The following TMEM117 variants were observed in gnomAD, a reference collection of about 807,000 sequenced individuals.
The protein encoded by TMEM117 is transmembrane protein 117.
In TMEM117, 27 loss-of-function variants were observed where a neutral mutation model predicts 52.4. The observed-to-expected ratio is 0.51, with a 90% confidence interval of 0.38 to 0.71. The LOEUF is 0.71. Among genes scored for constraint, TMEM117 ranks in the 30% least tolerant of loss-of-function variants. The pLI, the probability that TMEM117 is intolerant of heterozygous loss-of-function variation, is 0.00. For missense variants in TMEM117, 556 were observed against 630.5 expected (o/e 0.88, Z 1.26); for synonymous variants, 215 against 206.3 (o/e 1.04, Z -0.36).
intron 2 of TMEM117, among the ~76,000 whole-genome samples, chr12:43,897,007 TTGC>T (rs1944216311): frequency 6.6e-6 from 1 of 152,200 alleles, no homozygotes; most frequent in East Asian, 1.9e-4. Flanking sequence ...CTAGACCTAG[TTGC>T]CTGAGTCAAG....
chr12:43,887,415 T>TG (rs1944016486), intron 2 of TMEM117, among the ~76,000 whole-genome samples: 1 of 152,206 alleles, frequency 6.6e-6, no homozygotes, highest in African/African-American at 2.4e-5. Context: ...TATTGTAGGT[T>TG]GTTGAAATAG....
In TMEM117 at chr12:44,324,450, C is replaced by T. The variant is rs545593876; in HGVS notation, c.768+24711C>T. ...GTGTCCAGGGTAAGGGAAATGATAA[C>T]TTCATGTTACTTTTTCATGGTCAGA... On this transcript the variant is annotated intron_variant, in intron 6 of 7. Coordinates refer to ENST00000266534, the MANE Select transcript of TMEM117 (RefSeq NM_032256.3). Among the ~76,000 whole-genome samples, 12 of 152,048 alleles carry T rather than the reference C, an allele frequency of 7.9e-5. No individual in the cohort carries two copies. The South Asian group carries it at 2.1e-3, about 26-fold the overall frequency.
At chr12:44,104,940 A>G (rs1947927215) in intron 3 of TMEM117, among the ~76,000 whole-genome samples, 1 of 151,914 alleles carries the variant, frequency 6.6e-6, no homozygotes, top group Admixed American at 6.6e-5. Flanking sequence ...TGAATATGAT[A>G]TGCCTAGATG....
At chr12:44,077,114 C>A (rs1441925928) in intron 3 of TMEM117, among the ~76,000 whole-genome samples, 1 of 152,116 alleles carries the variant, frequency 6.6e-6, no homozygotes, top group African/African-American at 2.4e-5. Context: ...ATAGAAAATA[C>A]CCACGCAGGC....
intron 3 of TMEM117, among the ~76,000 whole-genome samples, chr12:43,960,609 G>A (rs1340449484): frequency 6.6e-6 from 1 of 152,086 alleles, no homozygotes; most frequent in Non-Finnish European, 1.5e-5. Context: ...AATGAACACT[G>A]ATTTGACACA....
chr12:43,813,402 C>T, the TMEM117 span, among the ~76,000 whole-genome samples: 1 of 151,724 alleles, frequency 6.6e-6, no homozygotes, highest in Admixed American at 6.6e-5. Context: ...TGCCACCATG[C>T]CTGACTAATT....
intron 6 of TMEM117, among the ~76,000 whole-genome samples, chr12:44,337,157 C>T (rs2138740629): frequency 6.6e-6 from 1 of 152,056 alleles, no homozygotes; most frequent in Middle Eastern, 3.4e-3. Context: ...TCCTTACAGT[C>T]AGGGAGGCTG....
intron 4 of TMEM117, among the ~76,000 whole-genome samples, chr12:44,198,301 C>T (rs1949447616): frequency 6.6e-6 from 1 of 152,132 alleles, no homozygotes; most frequent in Non-Finnish European, 1.5e-5. Context: ...GTGTCAAAGA[C>T]ATGAAATTTA....
At chr12:43,875,025 T>C (rs1220431487) in intron 2 of TMEM117, among the ~76,000 whole-genome samples, 1 of 152,220 alleles carries the variant, frequency 6.6e-6, no homozygotes, top group African/African-American at 2.4e-5. Context: ...CTGAACTTGT[T>C]CATACAAACT....
chr12:43,931,152 A>G (rs919155761), intron 2 of TMEM117, among the ~76,000 whole-genome samples: 2 of 152,260 alleles, frequency 1.3e-5, no homozygotes, highest in Non-Finnish European at 2.9e-5. Context: ...TTGTGTCCCT[A>G]CAAGGCAAAA....
intron 2 of TMEM117, among the ~76,000 whole-genome samples, chr12:43,927,342 A>G (rs887006237): frequency 8.5e-5 from 13 of 152,104 alleles, no homozygotes; most frequent in African/African-American, 3.1e-4. Context: ...GGAAGAGAAT[A>G]TGTGTTCTCT....
At chr12:43,907,516 G>T (rs961403700) in intron 2 of TMEM117, among the ~76,000 whole-genome samples, 1 of 151,186 alleles carries the variant, frequency 6.6e-6, no homozygotes, top group Non-Finnish European at 1.5e-5. Flanking sequence ...GACGAGCTGA[G>T]AGAAGAAGGC....
intron 5 of TMEM117, among the ~76,000 whole-genome samples, chr12:44,228,315 AAT>A (rs1949889056): frequency 6.6e-6 from 1 of 152,118 alleles, no homozygotes; most frequent in South Asian, 2.1e-4. Flanking sequence ...AGATTCTAGA[AAT>A]GTTTTGGAAA....
chr12:43,924,604 A>G (rs1944748647), intron 2 of TMEM117, among the ~76,000 whole-genome samples: 2 of 152,188 alleles, frequency 1.3e-5, no homozygotes, highest in African/African-American at 4.8e-5. Flanking sequence ...TGTAAAATAC[A>G]TATTTACCCT....
At chr12:43,914,955 G>T (rs1039357789) in intron 2 of TMEM117, among the ~76,000 whole-genome samples, 5 of 152,134 alleles carry the variant, frequency 3.3e-5, no homozygotes, top group Non-Finnish European at 7.4e-5. Flanking sequence ...AGAAAGCCTA[G>T]TATCTTCTTG....
chr12:44,107,270 C>T (rs571191568), intron 3 of TMEM117, among the ~76,000 whole-genome samples: 1 of 152,186 alleles, frequency 6.6e-6, no homozygotes, highest in Admixed American at 6.5e-5. Context: ...TGAACCTAGC[C>T]TCCTTGGCTC....
intron 4 of TMEM117, among the ~76,000 whole-genome samples, chr12:44,210,161 G>C (rs1439765339): frequency 2.6e-5 from 4 of 152,070 alleles, no homozygotes; most frequent in Non-Finnish European, 5.9e-5. Context: ...AATCTGTCTT[G>C]TCTGGATTTG....
At chr12:44,395,338 T>C in the TMEM117 span, among the ~76,000 whole-genome samples, 2 of 152,314 alleles carry the variant, frequency 1.3e-5, no homozygotes, top group African/African-American at 4.8e-5. Context: ...CACTATCCTA[T>C]TCCCCATCAT....
intron 3 of TMEM117, among the ~76,000 whole-genome samples, chr12:44,106,272 A>T (rs1363375449): frequency 6.6e-6 from 1 of 152,046 alleles, no homozygotes. Flanking sequence ...GAGCCTGGTG[A>T]ACTGAAAACC....
Sources: gnomAD v4.1 joint callset for allele counts (sites outside exome capture counted in the v4.1 genomes callset) on GRCh38, gnomAD v4.1.1 for gene constraint, MANE v1.5 for transcripts, NCBI Gene and HGNC (gene_info 2026-07-23, HGNC 2026-07-21) for gene names.